CTNND2: variants seen among roughly 807,000 people sequenced by gnomAD.
CTNND2 encodes the protein catenin delta-2.
Under a neutral mutation model 144.4 loss-of-function variants are expected in CTNND2, and 22 were observed. The ratio of observed to expected loss-of-function variants is 0.15; its 90% CI spans 0.11 to 0.22. CTNND2 has a LOEUF of 0.22. Ranked by LOEUF, CTNND2 falls within the 10% of genes least tolerant of loss-of-function variation. The probability of loss-of-function intolerance (pLI) is 1.00; values close to 1 mark genes in which losing one functional copy is unlikely to be tolerated. For synonymous variants in CTNND2, 751 were observed against 695.6 expected, an observed-to-expected ratio of 1.08 and a Z score of -1.25; for missense variants, 1,353 against 1,618.8, an observed-to-expected ratio of 0.84 and a Z score of 2.82.
In CTNND2 at chr5:11,098,676, T is replaced by C. The variant is rs759597047; in HGVS notation, c.2536A>G (p.Ile846Val). The change falls in exon 15 of 22, where the codon ATA (isoleucine) becomes GTA (valine). Residue 846 changes from isoleucine to valine, a missense_variant. Ile to Val is a conservative substitution (Grantham distance 29). Transcript: ENST00000304623. ...AGCAGTGTGAGGTAGGGTTTGACTA[T>C]TGATGGGTGCCACAGCATCTGGATC... ...KGIQMLWHPS[I>V]VKPYLTLLSE... The C allele has an allele frequency of 7.2e-5, 117 of 1,614,074 alleles. No individual in the cohort carries two copies. The South Asian group carries it at 7.6e-4, about 10-fold the overall frequency.
intron 2 of CTNND2, among the ~76,000 whole-genome samples, chr5:11,727,120 TTTTA>T (rs1256414743): frequency 2.0e-5 from 3 of 152,168 alleles, no homozygotes; most frequent in Non-Finnish European, 4.4e-5. Context: ...TGATTTATAG[TTTTA>T]TTTATCATTT....
At chr5:11,084,030 T>C (rs1348187681) in intron 15 of CTNND2, 8 of 876,226 alleles carry the variant, frequency 9.1e-6, no homozygotes, top group Non-Finnish European at 1.1e-5. Flanking sequence ...CAGTTTCTTA[T>C]CACCATCAAC....
chr5:11,230,430 A>G (rs1161884528), intron 10 of CTNND2, among the ~76,000 whole-genome samples: 3 of 152,126 alleles, frequency 2.0e-5, no homozygotes, highest in Non-Finnish European at 2.9e-5. Flanking sequence ...CTTATAGTCC[A>G]TACACCTGAG....
chr5:11,218,623 AC>A (rs1351547280), intron 10 of CTNND2, among the ~76,000 whole-genome samples: 1 of 152,230 alleles, frequency 6.6e-6, no homozygotes, highest in Non-Finnish European at 1.5e-5. Flanking sequence ...CCTGGTGCCT[AC>A]CAAGCTTCCT....
At chr5:11,614,525 T>C (rs973547910) in intron 2 of CTNND2, among the ~76,000 whole-genome samples, 41 of 152,324 alleles carry the variant, frequency 2.7e-4, no homozygotes, top group Non-Finnish European at 2.9e-5. Context: ...GAATTTTAAC[T>C]CTTGGGCGTT....
At chr5:11,043,859 A>C (rs898641109) in intron 16 of CTNND2, among the ~76,000 whole-genome samples, 3 of 152,236 alleles carry the variant, frequency 2.0e-5, no homozygotes, top group African/African-American at 2.4e-5. Flanking sequence ...AAAATACTAG[A>C]CACAGAGCTT....
intron 2 of CTNND2, among the ~76,000 whole-genome samples, chr5:11,611,616 A>G (rs1031811350): frequency 6.6e-6 from 1 of 152,058 alleles, no homozygotes; most frequent in African/African-American, 2.4e-5. Flanking sequence ...CGACTCTAAT[A>G]CAAATACAAA....
chr5:11,745,322 T>C (rs539641136), intron 1 of CTNND2, among the ~76,000 whole-genome samples: 1 of 152,220 alleles, frequency 6.6e-6, no homozygotes, highest in African/African-American at 2.4e-5. Context: ...GATACTATAT[T>C]ATTATATCAA....
chr5:11,143,956 C>A (rs1434072124), intron 12 of CTNND2, among the ~76,000 whole-genome samples: 2 of 151,548 alleles, frequency 1.3e-5, no homozygotes, highest in Non-Finnish European at 2.9e-5. Context: ...CAGGTCTGCA[C>A]CAGCTAGGGG....
chr5:11,273,618 C>T lies in CTNND2; in HGVS notation c.1629-36795G>A, dbSNP rs558425610. On this transcript the variant is annotated intron_variant, in intron 9 of 21. Transcript: ENST00000304623. ...CATGGGACCGTGTGCAGCTCTGCAGCGGGAGACATTGTACTTAATAAGCAT... is the reference window on the plus strand; with the variant it reads ...CATGGGACCGTGTGCAGCTCTGCAGTGGGAGACATTGTACTTAATAAGCAT... Among the ~76,000 whole-genome samples, 180 of 152,274 alleles carry T rather than the reference C, an allele frequency of 1.2e-3. 1 individual carries two copies. Among genetic ancestry groups the T allele is most frequent in the Admixed American group, 1.8e-3 (28 of 15,288 alleles).
At chr5:11,308,746 T>C (rs1340899024) in intron 9 of CTNND2, among the ~76,000 whole-genome samples, 2 of 152,216 alleles carry the variant, frequency 1.3e-5, no homozygotes, top group African/African-American at 4.8e-5. Flanking sequence ...CTTGGACCTT[T>C]CCATTCAGAT....
intron 2 of CTNND2, among the ~76,000 whole-genome samples, chr5:11,649,450 T>C (rs1782535755): frequency 6.6e-6 from 1 of 152,114 alleles, no homozygotes; most frequent in Non-Finnish European, 1.5e-5. Flanking sequence ...CCAGAGTAGC[T>C]GGGATTACAG....
chr5:11,706,958 C>T (rs1018417581), intron 2 of CTNND2, among the ~76,000 whole-genome samples: 4 of 151,170 alleles, frequency 2.6e-5, no homozygotes, highest in East Asian at 1.9e-4. Flanking sequence ...TTGTGGCGGG[C>T]GCCTGTAGTC....
chr5:11,240,900 TAC>T (rs1323621850), intron 9 of CTNND2, among the ~76,000 whole-genome samples: 3 of 98,864 alleles, frequency 3.0e-5, no homozygotes, highest in African/African-American at 1.2e-4. Flanking sequence ...CCAAAACACA[TAC>T]ACTCAGCACA....
At chr5:11,400,974 GT>G (rs1760597904) in intron 5 of CTNND2, among the ~76,000 whole-genome samples, 2 of 152,194 alleles carry the variant, frequency 1.3e-5, no homozygotes, top group African/African-American at 2.4e-5. Context: ...AAAAAGTCCT[GT>G]GTAAACAGAA....
intron 9 of CTNND2, among the ~76,000 whole-genome samples, chr5:11,256,071 TTGGTGCATGCCCTGTGC>T (rs1744209694): frequency 1.3e-5 from 2 of 152,338 alleles, no homozygotes; most frequent in South Asian, 4.1e-4. Context: ...TGTGTGCTCT[TTGGTGCATGCCCTGTGC>T]TCAGGCCGAA....
At chr5:11,429,987 C>A (rs1763134777) in intron 3 of CTNND2, among the ~76,000 whole-genome samples, 1 of 152,098 alleles carries the variant, frequency 6.6e-6, no homozygotes, top group Admixed American at 6.5e-5. Context: ...TGCAGTGGCT[C>A]ATGCCTGTAA....
intron 1 of CTNND2, among the ~76,000 whole-genome samples, chr5:11,805,000 A>C (rs1216055650): frequency 1.3e-5 from 2 of 152,180 alleles, no homozygotes; most frequent in African/African-American, 4.8e-5. Flanking sequence ...AAGGGAAAAT[A>C]ATCATTTTAA....
chr5:11,346,213 T>G (rs922254263), intron 9 of CTNND2, among the ~76,000 whole-genome samples, 159 bp downstream of exon 9: 1 of 152,146 alleles, frequency 6.6e-6, no homozygotes, highest in African/African-American at 2.4e-5. Flanking sequence ...AGGGATCCAT[T>G]GCAAGCACAC....
Sources: allele counts gnomAD v4.1 joint callset (sites outside exome capture counted in the v4.1 genomes callset), GRCh38; gene constraint gnomAD v4.1.1; transcripts MANE v1.5; gene names NCBI Gene and HGNC (gene_info 2026-07-23, HGNC 2026-07-21).